DMD: variants seen among roughly 807,000 people sequenced by gnomAD.
DMD encodes the protein dystrophin.
DMD carries 63 observed loss-of-function variants against 330.1 expected under a neutral mutation model. That is an observed-to-expected ratio of 0.19 (90% CI 0.16 to 0.24). DMD has a LOEUF of 0.24. Ranked by LOEUF, DMD falls within the 10% of genes least tolerant of loss-of-function variation. DMD has a pLI of 1.00. For synonymous variants in DMD, 1,223 were observed against 959.8 expected, an observed-to-expected ratio of 1.27 and a Z score of -5.07; for missense variants, 3,344 against 2,684.1, an observed-to-expected ratio of 1.25 and a Z score of -5.43.
intron 2 of DMD, among the ~76,000 whole-genome samples, chrX:32,947,532 A>T (rs1455882309): frequency 9.0e-6 from 1 of 111,669 alleles, no homozygotes; most frequent in Non-Finnish European, 1.9e-5. Context: ...GGTCTAATTC[A>T]GTGTCAGGAC....
chrX:32,141,824 T>G (rs1392006748), intron 44 of DMD, among the ~76,000 whole-genome samples: 1 of 110,852 alleles, frequency 9.0e-6, no homozygotes, highest in African/African-American at 3.3e-5. Flanking sequence ...ATGATGGGCC[T>G]TGGGGCCTTT....
chrX:32,985,768 C>A (rs1369975561), intron 2 of DMD, among the ~76,000 whole-genome samples: 3 of 111,502 alleles, frequency 2.7e-5, no homozygotes, highest in African/African-American at 6.5e-5. Context: ...GGGGGCCTTG[C>A]CAAGTAGACA....
At chrX:31,241,220 C>T (rs1367999668) in intron 63 of DMD, among the ~76,000 whole-genome samples, 3 of 111,749 alleles carry the variant, frequency 2.7e-5, no homozygotes, top group African/African-American at 9.8e-5. Context: ...CAAAATGCCA[C>T]TGTCCCCTCT....
intron 45 of DMD, among the ~76,000 whole-genome samples, chrX:31,962,845 G>C (rs1178228130): frequency 9.0e-6 from 1 of 111,454 alleles, no homozygotes; most frequent in Non-Finnish European, 1.9e-5. Context: ...CAAGCGGACG[G>C]GACAGATCCT....
chrX:32,180,479 T>C (rs1342715981), intron 44 of DMD, among the ~76,000 whole-genome samples: 1 of 111,283 alleles, frequency 9.0e-6, no homozygotes, highest in Non-Finnish European at 1.9e-5. Context: ...GTAAAACCTT[T>C]CCCATTTACA....
At chrX:31,382,790 G>A (rs891266541) in intron 60 of DMD, among the ~76,000 whole-genome samples, 1 of 110,660 alleles carries the variant, frequency 9.0e-6, no homozygotes, top group Non-Finnish European at 1.9e-5. Flanking sequence ...CGCCACCCCT[G>A]ATCCACCTCG....
At chrX:33,157,818 A>G (rs1038968892) in intron 1 of DMD, among the ~76,000 whole-genome samples, 122 of 111,600 alleles carry the variant, frequency 1.1e-3, no homozygotes, top group African/African-American at 3.9e-3. Context: ...TTAGCCAGGC[A>G]TGGTGGCACA....
In DMD at chrX:32,855,697, C is replaced by A. The variant is rs185687999; in HGVS notation, c.94-5877G>T. ...GAACAAAGACTTAAATCTAAGGCCT[C>A]AAACTATGAAACTACTACAAGAAAT... is the stretch of plus-strand genomic sequence containing the variant. On this transcript the variant is annotated intron_variant, in intron 2 of 78. Transcript: ENST00000357033. Among the ~76,000 whole-genome samples, 130 of 112,054 alleles carry A rather than the reference C, an allele frequency of 1.2e-3. 1 individual carries two copies. The highest frequency in any genetic ancestry group is 3.9e-3 in the African/African-American group (121 of 30,854).
intron 43 of DMD, among the ~76,000 whole-genome samples, chrX:32,222,006 T>C (rs191075518): frequency 4.5e-3 from 506 of 112,079 alleles, no homozygotes; most frequent in African/African-American, 0.016. Context: ...GCACTTAGGA[T>C]GGTTCCATAT....
intron 62 of DMD, among the ~76,000 whole-genome samples, chrX:31,270,171 A>G (rs2051508685): frequency 1.0e-5 from 1 of 96,580 alleles, no homozygotes; most frequent in South Asian, 5.8e-4. Context: ...CCTTTGGGCA[A>G]AAGTTTACCA....
intron 18 of DMD, among the ~76,000 whole-genome samples, chrX:32,511,785 T>C (rs1021714950): frequency 6.3e-5 from 7 of 111,328 alleles, no homozygotes; most frequent in African/African-American, 2.0e-4. Flanking sequence ...ACATTTTTAA[T>C]CTTGAAAGGA....
chrX:31,802,043 A>G (rs1273440897), intron 50 of DMD, among the ~76,000 whole-genome samples: 1 of 111,648 alleles, frequency 9.0e-6, no homozygotes, highest in Non-Finnish European at 1.9e-5. Flanking sequence ...AAGCACTTTC[A>G]TAAGCAAAAC....
At chrX:32,579,317 C>T (rs2053402133) in intron 13 of DMD, among the ~76,000 whole-genome samples, 1 of 111,999 alleles carries the variant, frequency 8.9e-6, no homozygotes, top group Non-Finnish European at 1.9e-5. Flanking sequence ...CTGTAATAAT[C>T]TCCTGTCTGA....
chrX:33,086,944 T>G (rs751083935), intron 1 of DMD, among the ~76,000 whole-genome samples: 1 of 111,087 alleles, frequency 9.0e-6, no homozygotes, highest in Admixed American at 9.7e-5. Flanking sequence ...AATGCGAAGG[T>G]AGAATGCAGC....
At chrX:33,207,485 T>C (rs1301221603) in intron 1 of DMD, among the ~76,000 whole-genome samples, 1 of 111,385 alleles carries the variant, frequency 9.0e-6, no homozygotes, top group Non-Finnish European at 1.9e-5. Flanking sequence ...TACTCTCCCA[T>C]TCGAAGGGGT....
At chrX:32,355,928 AAATTT>A (rs2097797486) in intron 37 of DMD, among the ~76,000 whole-genome samples, 1 of 110,471 alleles carries the variant, frequency 9.1e-6, no homozygotes, top group Admixed American at 9.7e-5. Context: ...AAAAAAATTA[AAATTT>A]AAAGAATATA....
chrX:32,334,650 T>C (rs769927077), intron 41 of DMD, among the ~76,000 whole-genome samples: 100 of 111,578 alleles, frequency 9.0e-4, no homozygotes, highest in Non-Finnish European at 1.5e-3. Flanking sequence ...AGAATAATGA[T>C]ACGGTGATGT....
intron 6 of DMD, among the ~76,000 whole-genome samples, chrX:32,813,747 C>T (rs193160012): frequency 7.4e-4 from 82 of 110,843 alleles, no homozygotes; most frequent in Admixed American, 1.7e-3. Flanking sequence ...GGAGAAGAGG[C>T]GAGAGTAAGA....
chrX:31,355,906 G>T (rs2148544538), intron 60 of DMD, among the ~76,000 whole-genome samples: 1 of 108,654 alleles, frequency 9.2e-6, no homozygotes, highest in African/African-American at 3.3e-5. Context: ...TTCTGGTCTT[G>T]ATTTCAAACT....
Sources: allele counts gnomAD v4.1 joint callset (sites outside exome capture counted in the v4.1 genomes callset), GRCh38; gene constraint gnomAD v4.1.1; transcripts MANE v1.5; gene names NCBI Gene and HGNC (gene_info 2026-07-23, HGNC 2026-07-21).